The following AKAP9 variants were observed in gnomAD, a reference collection of about 807,000 sequenced individuals.
AKAP9 encodes the protein A-kinase anchoring protein 9, also known as A-kinase anchor protein 9.
A neutral mutation model predicts 488.5 loss-of-function variants in AKAP9; 311 were observed. That is an observed-to-expected ratio of 0.64 (90% CI 0.58 to 0.70). The LOEUF (loss-of-function observed/expected upper bound fraction) is 0.70. AKAP9 is among the 30% of genes least tolerant of loss of function. AKAP9 has a pLI of 0.00. For missense variants in AKAP9, 4,215 were observed against 4,374.5 expected, an observed-to-expected ratio of 0.96 and a Z score of 1.03; for synonymous variants, 1,462 against 1,483.5, an observed-to-expected ratio of 0.99 and a Z score of 0.33.
intron 28 of AKAP9, 29 bp downstream of exon 28, chr7:92,071,038 C>A: frequency 6.6e-7 from 1 of 1,524,170 alleles, no homozygotes; most frequent in Non-Finnish European, 9.1e-7. Context: ...AATGACACAG[C>A]GTGGTTTGAA....
rs1478936254 is a variant in AKAP9, at chr7:92,052,950, A to G, written c.5593A>G (p.Ser1865Gly). 4.3e-6 allele frequency: 7 copies of G among 1,612,538 alleles called. No homozygotes were observed. The highest frequency in any genetic ancestry group is 5.9e-6 in the Non-Finnish European group (7 of 1,178,706). The stretch of plus-strand genomic sequence containing the variant: ...ACTCCTAGAAGCCATAAGTGAAACT[A>G]GCAGTCAGGTAACCTCCTTATATTG... ...EKLLEAISET[S>G]SQLEHAKVTQ... The change falls in exon 22 of 50, where the codon AGC (serine) becomes GGC (glycine). Residue 1865 changes from serine to glycine, a missense_variant. Physicochemically the swap from Ser to Gly is moderately conservative, Grantham distance 56 (BLOSUM62 0). Around this residue, in one of 5 missense-constraint regions of AKAP9, gnomAD observed 2,361 missense variants for 2,430.0 expected, o/e 0.97. Coordinates refer to ENST00000356239, the MANE Select transcript of AKAP9 (RefSeq NM_005751.5).
intron 19 of AKAP9, 73 bp downstream of exon 19, chr7:92,042,259 G>T: frequency 6.3e-7 from 1 of 1,585,122 alleles, no homozygotes. Context: ...TTTGTTGTTG[G>T]TATGAGATGT....
chr7:92,022,788 A>AT (rs770170681), intron 13 of AKAP9, 26 bp from the exon 14 acceptor site: 16 of 1,450,702 alleles, frequency 1.1e-5, no homozygotes, highest in Non-Finnish European at 4.8e-6. Context: ...TGAAATGTGC[A>AT]TTTTTTGTCT....
chr7:92,036,406 A>G (rs1037505160), intron 16 of AKAP9, among the ~76,000 whole-genome samples: 10 of 151,952 alleles, frequency 6.6e-5, no homozygotes, highest in African/African-American at 2.4e-4. Context: ...CTGAGCTCAC[A>G]CAATCCTCTC....
At chr7:92,037,545 G>A (rs62465414) in intron 16 of AKAP9, among the ~76,000 whole-genome samples, 181 of 152,226 alleles carry the variant, frequency 1.2e-3, no homozygotes, top group Non-Finnish European at 2.2e-3. Context: ...TTATTGATAC[G>A]GTTGGTTCTC....
At chr7:91,949,916 T>G (rs1791982226) in intron 1 of AKAP9, among the ~76,000 whole-genome samples, 1 of 152,326 alleles carries the variant, frequency 6.6e-6, no homozygotes, top group East Asian at 1.9e-4. Context: ...CTGAGATTTT[T>G]GTGTGGTGTG....
chr7:91,946,308 T>C lies in AKAP9; in HGVS notation c.48+5161T>C, dbSNP rs188472402. Among the ~76,000 whole-genome samples the C allele has an allele frequency of 2.5e-4, 38 of 152,254 alleles. 1 individual carries two copies. Among genetic ancestry groups the C allele is most frequent in the Admixed American group, 1.4e-3 (22 of 15,280 alleles). ...GGCAGAGCTTACTTAGCATTCCGAG[T>C]AGATGCAGCAGTTTGATAGCTTCAT... On this transcript the variant is annotated intron_variant, in intron 1 of 49. Coordinates refer to ENST00000356239, the MANE Select transcript of AKAP9 (RefSeq NM_005751.5).
chr7:91,947,443 A>G (rs751518826), intron 1 of AKAP9, among the ~76,000 whole-genome samples: 1 of 151,000 alleles, frequency 6.6e-6, no homozygotes, highest in Non-Finnish European at 1.5e-5. Flanking sequence ...CCTGGGTTCT[A>G]GCTATTCTCC....
chr7:92,077,034 T>C lies in AKAP9; in HGVS notation c.6765+27T>C, dbSNP rs754205714. 4 of 1,369,718 alleles carry C rather than the reference T, an allele frequency of 2.9e-6. No individual in the cohort carries two copies. The East Asian group carries it at 9.4e-5, about 32-fold the overall frequency. 84.8% of individuals were successfully genotyped at this position (1,369,718 alleles called of 1,614,324 possible). On this transcript the variant is annotated intron_variant, in intron 29 of 49. Coordinates refer to ENST00000356239, the MANE Select transcript of AKAP9 (RefSeq NM_005751.5). ...TAATTAGTTAAGAAAAACTTTTATC[T>C]GTAAATAAGTCATAGTTTCAGTCCT...
rs369950097 is a variant in AKAP9 at position 92,000,692 on chromosome 7, T to C, written c.931-156T>C. 4.8e-4 allele frequency among the ~76,000 whole-genome samples: 73 copies of C among 152,282 alleles called. 1 individual carries two copies. The South Asian group carries it at 0.015, about 31-fold the overall frequency. ...TGGTTACACGAGTTCTAAGTGTCAT[T>C]ATTGTGGAAAAAATTGAGGGGCAGG... On this transcript the variant is annotated intron_variant, in intron 7 of 49. Transcript: ENST00000356239.
intron 1 of AKAP9, among the ~76,000 whole-genome samples, chr7:91,956,329 G>A (rs530020092): frequency 2.0e-4 from 30 of 151,238 alleles, no homozygotes; most frequent in African/African-American, 7.0e-4. Context: ...GGACCCGGGG[G>A]GCAGAACTTG....
chr7:92,016,626 A>G (rs1038891911), intron 11 of AKAP9, among the ~76,000 whole-genome samples: 4 of 152,054 alleles, frequency 2.6e-5, no homozygotes, highest in African/African-American at 9.6e-5. Context: ...TAAAATGAGT[A>G]AGATAAACAT....
At chr7:91,985,703 A>G (rs946551021) in intron 3 of AKAP9, among the ~76,000 whole-genome samples, 8 of 151,994 alleles carry the variant, frequency 5.3e-5, no homozygotes, top group Non-Finnish European at 1.2e-4. Flanking sequence ...GCTGGAGTGC[A>G]GTGGCATGAT....
intron 26 of AKAP9, among the ~76,000 whole-genome samples, chr7:92,068,313 C>G (rs1031377638): frequency 7.0e-6 from 1 of 142,518 alleles, no homozygotes; most frequent in Non-Finnish European, 1.5e-5. Context: ...TTGCAGTGAG[C>G]TGAGATCACG....
At chr7:92,103,692 C>G (rs1395374558) in intron 46 of AKAP9, among the ~76,000 whole-genome samples, 1 of 143,992 alleles carries the variant, frequency 6.9e-6, no homozygotes, top group Non-Finnish European at 1.5e-5. Flanking sequence ...AAGACTCTGT[C>G]TCAAAAAAAA....
chr7:92,031,614 T>C lies in AKAP9; in HGVS notation c.4338+10T>C. 6.4e-7 allele frequency: 1 copy of C among 1,572,904 alleles called. No individual in the cohort carries two copies. On this transcript the variant is annotated intron_variant, in intron 16 of 49. Transcript: ENST00000356239. Reference sequence around the variant, plus strand: ...AGAAGAAGTAGCTAAGGTAGGCTTATAGCTTATCTGGAAGATTATCTTGGT... The same window carrying C: ...AGAAGAAGTAGCTAAGGTAGGCTTACAGCTTATCTGGAAGATTATCTTGGT...
At chr7:92,110,023 G>T in intron 49 of AKAP9, 99 bp from the exon 50 acceptor site, 1 of 927,740 alleles carries the variant, frequency 1.1e-6, no homozygotes, top group South Asian at 1.4e-5. Flanking sequence ...TTAAAAAAAT[G>T]GAGAATAATA....
At chr7:91,979,111 T>G (rs1796074462) in intron 2 of AKAP9, among the ~76,000 whole-genome samples, 1 of 151,986 alleles carries the variant, frequency 6.6e-6, no homozygotes, top group Admixed American at 6.6e-5. Context: ...TAGGACTTTG[T>G]TTCATTTTAA....
At position 92,083,623 on chromosome 7, in the gene AKAP9, A is replaced by G. The variant is rs1716962785; in HGVS notation, c.8614A>G (p.Lys2872Glu). Residue 2872 changes from lysine to glutamate, a missense_variant, in exon 33 of 50, where the codon AAG becomes GAG. Lys to Glu is a moderately conservative substitution (Grantham distance 56). Transcript: ENST00000356239. ...QLLKEECGTLKAVIQCLRSKE... is the reference protein window; with the variant it reads ...QLLKEECGTLEAVIQCLRSKE... ...ACTGAAAGAGGAATGTGGTACCTTG[A>G]AGGCAGTGATACAGTGTCTGAGAAG... The G allele has an allele frequency of 6.2e-7, 1 of 1,609,548 alleles. No individual in the cohort carries two copies. Among genetic ancestry groups the G allele is most frequent in the Admixed American group, 1.7e-5 (1 of 58,982 alleles).
Sources: allele counts gnomAD v4.1 joint callset (sites outside exome capture counted in the v4.1 genomes callset), GRCh38; gene constraint gnomAD v4.1.1; regional missense constraint gnomAD v4.1.1; transcripts MANE v1.5; gene names NCBI Gene and HGNC (gene_info 2026-07-23, HGNC 2026-07-21).